The following ESRRB variants were observed in gnomAD, a reference collection of about 807,000 sequenced individuals.
ESRRB encodes steroid hormone receptor ERR2.
A neutral mutation model predicts 46.0 loss-of-function variants in ESRRB; 16 were observed. The observed-to-expected ratio is 0.35, with a 90% CI of 0.24 to 0.53. The LOEUF is 0.53. ESRRB is among the 20% of genes least tolerant of loss of function. The pLI, the probability that ESRRB is intolerant of heterozygous loss-of-function variation, is 0.93. For synonymous variants in ESRRB, 246 were observed against 259.6 expected, an observed-to-expected ratio of 0.95 and a Z score of 0.50; for missense variants, 488 against 607.4, an observed-to-expected ratio of 0.80 and a Z score of 2.07.
intron 1 of ESRRB, among the ~76,000 whole-genome samples, chr14:76,411,220 G>A (rs995435102): frequency 6.6e-6 from 1 of 151,818 alleles, no homozygotes; most frequent in East Asian, 2.0e-4. Flanking sequence ...GGCCAAGGCA[G>A]GCAGATCACC....
chr14:76,321,345 G>A (rs1883864958), intron 1 of ESRRB, among the ~76,000 whole-genome samples: 2 of 152,064 alleles, frequency 1.3e-5, no homozygotes, highest in African/African-American at 4.8e-5. Flanking sequence ...TTTCCATACT[G>A]AGCCTGGGGT....
At chr14:76,346,884 C>T (rs1884257343) in intron 1 of ESRRB, among the ~76,000 whole-genome samples, 1 of 152,198 alleles carries the variant, frequency 6.6e-6, no homozygotes, top group Admixed American at 6.5e-5. Flanking sequence ...CTATAGATTT[C>T]CTGTCAGAGC....
chr14:76,408,152 G>A (rs141120424), intron 1 of ESRRB, among the ~76,000 whole-genome samples: 5 of 152,256 alleles, frequency 3.3e-5, no homozygotes, highest in South Asian at 2.1e-4. Flanking sequence ...CCAGGTTCAC[G>A]GTCACCTCAG....
At chr14:76,401,200 A>G (rs1885928886) in intron 1 of ESRRB, among the ~76,000 whole-genome samples, 1 of 152,250 alleles carries the variant, frequency 6.6e-6, no homozygotes, top group African/African-American at 2.4e-5. Flanking sequence ...CATTCATGAA[A>G]GAGTGAGCCT....
At chr14:76,348,879 C>A (rs182134401) in intron 1 of ESRRB, among the ~76,000 whole-genome samples, 2 of 152,092 alleles carry the variant, frequency 1.3e-5, no homozygotes. Flanking sequence ...CTTTCTCCCC[C>A]CAAGAACAGA....
chr14:76,497,933 G>C (rs1209759339), intron 6 of ESRRB, among the ~76,000 whole-genome samples: 1 of 146,980 alleles, frequency 6.8e-6, no homozygotes, highest in African/African-American at 2.5e-5. Flanking sequence ...CTGCAAGTAA[G>C]GGACACAGGA....
At chr14:76,442,291 C>A (rs1330269386) in intron 2 of ESRRB, among the ~76,000 whole-genome samples, 1 of 152,108 alleles carries the variant, frequency 6.6e-6, no homozygotes. Flanking sequence ...GCCTGGCCAA[C>A]ATGGTGAAAC....
In ESRRB at chr14:76,439,390, G is replaced by A. The variant is rs773933130; in HGVS notation, c.100G>A (p.Gly34Ser). ...CGACAGGCACCTGGGCTCCAGCTGC[G>A]GCTCCTTCATCAAGACTGAGCCGTC... ...SDDRHLGSSCGSFIKTEPSSP... is the reference protein window; with the variant it reads ...SDDRHLGSSCSSFIKTEPSSP... Residue 34 changes from glycine (G) to serine (S), a missense_variant, in exon 2 of 7, where the codon GGC (glycine) becomes AGC (serine). Coordinates refer to ENST00000644823, the MANE Select transcript of ESRRB (RefSeq NM_001379180.1). 4.3e-6 allele frequency: 7 copies of A among 1,613,562 alleles called. No homozygotes were observed. The highest frequency in any genetic ancestry group is 1.7e-5 in the Admixed American group (1 of 60,006).
chr14:76,416,214 C>T (rs1237887349), intron 1 of ESRRB, among the ~76,000 whole-genome samples: 3 of 148,518 alleles, frequency 2.0e-5, no homozygotes, highest in Admixed American at 1.4e-4. Context: ...TAGCTCACTG[C>T]AACCTCTTGG....
At chr14:76,354,177 G>A (rs1884347430) in intron 1 of ESRRB, among the ~76,000 whole-genome samples, 1 of 145,744 alleles carries the variant, frequency 6.9e-6, no homozygotes, top group Admixed American at 6.9e-5. Flanking sequence ...AATCTGCTTG[G>A]CCAACTCCTC....
intron 5 of ESRRB, among the ~76,000 whole-genome samples, chr14:76,485,441 C>T (rs1889971041): frequency 6.6e-6 from 1 of 151,730 alleles, no homozygotes; most frequent in Non-Finnish European, 1.5e-5. Flanking sequence ...GGGGTTTCAC[C>T]ATGTTGGCCA....
At chr14:76,331,181 G>T (rs1884009220) in intron 1 of ESRRB, among the ~76,000 whole-genome samples, 1 of 152,176 alleles carries the variant, frequency 6.6e-6, no homozygotes, top group African/African-American at 2.4e-5. Flanking sequence ...GTGGACATTA[G>T]AAATGACTTC....
upstream of ESRRB, among the ~76,000 whole-genome samples, chr14:76,375,312 C>A (rs900922683): frequency 6.6e-6 from 1 of 152,172 alleles, no homozygotes; most frequent in African/African-American, 2.4e-5. Flanking sequence ...ACTGAGGGAG[C>A]AGCGGACGGG....
chr14:76,498,551 C>T lies in ESRRB; in HGVS notation c.*93C>T. On this transcript the variant is annotated 3_prime_UTR_variant, in exon 7 of 7. Transcript: ENST00000644823. The stretch of plus-strand genomic sequence containing the variant: ...ACAGCCACCAGCCTCCACCTTCAAC[C>T]CCTGTATCATGGCTCTGAGCTGTCC... 2.5e-6 allele frequency: 4 copies of T among 1,606,814 alleles called. No individual in the cohort carries two copies. Among genetic ancestry groups the T allele is most frequent in the Non-Finnish European group, 2.5e-6 (3 of 1,177,446 alleles).
At chr14:76,324,963 CTTTTTT>C (rs34780208) in intron 1 of ESRRB, among the ~76,000 whole-genome samples, 8,361 of 102,330 alleles carry the variant, frequency 0.082, 335 homozygotes, top group Admixed American at 0.13. Flanking sequence ...TTTTCTTTTT[CTTTTTT>C]TTTTTTTTTT....
At chr14:76,349,181 G>A (rs1443963063) in intron 1 of ESRRB, among the ~76,000 whole-genome samples, 1 of 152,208 alleles carries the variant, frequency 6.6e-6, no homozygotes, top group African/African-American at 2.4e-5. Context: ...GGGCTGGCGG[G>A]GCAGCTGGAG....
In ESRRB at chr14:76,354,226, C is replaced by CA. The variant is rs1217509149; in HGVS notation, c.2+43310_2+43311insA. 2.5e-5 allele frequency among the ~76,000 whole-genome samples: 2 copies of CA among 78,438 alleles called. 1 individual carries two copies. Among genetic ancestry groups the CA allele is most frequent in the Non-Finnish European group, 4.9e-5 (2 of 40,412 alleles). 51.5% of individuals were successfully genotyped at this position (78,438 alleles called of 152,430 possible). A position where few individuals can be genotyped will look rare whatever the true frequency, so the allele number is the denominator to read the frequency against. ...TTGGCCCCCAGGGTCCTCTACCCGC[C>CA]CCCCCCCCCACCCACACTTCCACCC... On this transcript the variant is annotated intron_variant, in intron 1 of 6. Transcript: ENST00000512784.
At chr14:76,407,869 AG>A (rs1461717104) in intron 1 of ESRRB, among the ~76,000 whole-genome samples, 2 of 152,220 alleles carry the variant, frequency 1.3e-5, no homozygotes, top group Non-Finnish European at 2.9e-5. Flanking sequence ...AGAGCCTCTC[AG>A]CCTAATTTGC....
intron 1 of ESRRB, among the ~76,000 whole-genome samples, chr14:76,433,508 T>A (rs575810874): frequency 1.3e-5 from 2 of 152,188 alleles, no homozygotes; most frequent in African/African-American, 4.8e-5. Flanking sequence ...TGACAATTAG[T>A]ACTGACAACA....
Sources: gnomAD v4.1 joint callset for allele counts (sites outside exome capture counted in the v4.1 genomes callset) on GRCh38, gnomAD v4.1.1 for gene constraint, MANE v1.5 for transcripts, NCBI Gene and HGNC (gene_info 2026-07-23, HGNC 2026-07-21) for gene names.